Variants in DIS3L2 observed in about 807,000 individuals in gnomAD.
The protein encoded by DIS3L2 is DIS3-like exonuclease 2.
In DIS3L2, 34 loss-of-function variants were observed where a neutral mutation model predicts 97.5. The ratio of observed to expected loss-of-function variants is 0.35; its 90% CI spans 0.27 to 0.46. The LOEUF (loss-of-function observed/expected upper bound fraction) is 0.46, where lower values mean the gene tolerates loss of function less well. Ranked by LOEUF, DIS3L2 falls within the 20% of genes least tolerant of loss-of-function variation. The probability of loss-of-function intolerance (pLI) is 1.00; values close to 1 mark genes in which losing one functional copy is unlikely to be tolerated. For synonymous variants in DIS3L2, 435 were observed against 445.2 expected (o/e 0.98, Z 0.29); for missense variants, 1,038 against 1,146.0 (o/e 0.91, Z 1.36).
intron 6 of DIS3L2, among the ~76,000 whole-genome samples, chr2:232,121,806 A>G (rs1213333904): frequency 6.6e-6 from 1 of 152,144 alleles, no homozygotes; most frequent in Non-Finnish European, 1.5e-5. Context: ...TAAGGAAATC[A>G]GGCAGTCTTT....
intron 6 of DIS3L2, among the ~76,000 whole-genome samples, chr2:232,126,085 T>C (rs1356023742): frequency 2.0e-5 from 3 of 152,246 alleles, no homozygotes; most frequent in Admixed American, 2.0e-4. Context: ...ATTTGGGTTC[T>C]GATTGTGTCT....
chr2:232,274,314 T>C (rs1694084012), intron 13 of DIS3L2, among the ~76,000 whole-genome samples: 1 of 152,168 alleles, frequency 6.6e-6, no homozygotes, highest in African/African-American at 2.4e-5. Flanking sequence ...GCACTTGGAC[T>C]CTCCTCTTTC....
chr2:231,974,705 T>C (rs904034349), intron 1 of DIS3L2, among the ~76,000 whole-genome samples: 5 of 152,144 alleles, frequency 3.3e-5, no homozygotes, highest in Admixed American at 3.3e-4. Flanking sequence ...GATTTGGAGA[T>C]GTTAGAATCA....
chr2:231,965,407 C>T (rs1249628927), intron 1 of DIS3L2, among the ~76,000 whole-genome samples: 6 of 150,826 alleles, frequency 4.0e-5, no homozygotes, highest in Non-Finnish European at 8.8e-5. Context: ...TGCCTTGAGA[C>T]ATTGAAGGCC....
At chr2:232,266,189 G>C (rs1693854334) in intron 13 of DIS3L2, among the ~76,000 whole-genome samples, 1 of 152,226 alleles carries the variant, frequency 6.6e-6, no homozygotes, top group Admixed American at 6.5e-5. Flanking sequence ...ATAGGGTATA[G>C]TTGTCAAAAT....
intron 14 of DIS3L2, among the ~76,000 whole-genome samples, chr2:232,303,743 C>T (rs560716037): frequency 3.2e-4 from 48 of 152,246 alleles, no homozygotes; most frequent in East Asian, 3.1e-3. Context: ...GATTCAGTAT[C>T]AAAAGCAGGT....
chr2:231,988,633 A>C (rs1455317484), intron 1 of DIS3L2, among the ~76,000 whole-genome samples: 1 of 152,120 alleles, frequency 6.6e-6, no homozygotes, highest in East Asian at 1.9e-4. Context: ...CATGACGTGG[A>C]TCTTGTGTGT....
chr2:232,173,264 C>T (rs115576768), intron 9 of DIS3L2, among the ~76,000 whole-genome samples: 15 of 152,186 alleles, frequency 9.9e-5, no homozygotes, highest in East Asian at 5.8e-4. Flanking sequence ...TTTGAGATGG[C>T]GTCTCTGTTA....
intron 9 of DIS3L2, among the ~76,000 whole-genome samples, chr2:232,169,113 T>C (rs912607011): frequency 6.6e-6 from 1 of 152,186 alleles, no homozygotes; most frequent in Non-Finnish European, 1.5e-5. Context: ...TGTGATCATG[T>C]GATTTCTTCT....
intron 9 of DIS3L2, among the ~76,000 whole-genome samples, chr2:232,169,947 T>C (rs1452427283): frequency 1.3e-5 from 2 of 152,202 alleles, no homozygotes; most frequent in Non-Finnish European, 2.9e-5. Flanking sequence ...TTAGCAATTT[T>C]CAAGAAGTTA....
chr2:232,206,686 A>G (rs1692036300), intron 9 of DIS3L2, among the ~76,000 whole-genome samples: 1 of 152,198 alleles, frequency 6.6e-6, no homozygotes, highest in Admixed American at 6.5e-5. Context: ...CTTTCCAGCA[A>G]GCAAGCCTTC....
chr2:232,193,623 C>T (rs1425362700), intron 9 of DIS3L2, among the ~76,000 whole-genome samples: 1 of 152,196 alleles, frequency 6.6e-6, no homozygotes, highest in Non-Finnish European at 1.5e-5. Flanking sequence ...TTTATGTCCC[C>T]ATTTCATCTA....
At chr2:232,042,882 G>GTGAT (rs1375579541) in intron 5 of DIS3L2, among the ~76,000 whole-genome samples, 1 of 152,224 alleles carries the variant, frequency 6.6e-6, no homozygotes, top group East Asian at 1.9e-4. Context: ...ACTTAGGGCA[G>GTGAT]TGATGGCACA....
intron 3 of DIS3L2, among the ~76,000 whole-genome samples, chr2:232,022,208 T>G (rs1410796911): frequency 1.3e-5 from 2 of 152,202 alleles, no homozygotes; most frequent in Non-Finnish European, 2.9e-5. Flanking sequence ...TTCTGCTTTC[T>G]TAGTGTGATC....
chr2:232,042,628 T>C (rs998456783), intron 5 of DIS3L2, among the ~76,000 whole-genome samples: 4 of 152,204 alleles, frequency 2.6e-5, no homozygotes, highest in Admixed American at 1.3e-4. Flanking sequence ...TACTGCCAGC[T>C]CTGCATCAAA....
At chr2:232,087,837 C>T in intron 6 of DIS3L2, 116 bp downstream of exon 6, 1 of 813,244 alleles carries the variant, frequency 1.2e-6, no homozygotes, top group East Asian at 2.7e-5. Flanking sequence ...TAATTTTTGA[C>T]CTGTGGCAGC....
chr2:232,273,029 T>C (rs1349322335), intron 13 of DIS3L2, among the ~76,000 whole-genome samples: 1 of 152,024 alleles, frequency 6.6e-6, no homozygotes. Flanking sequence ...AGCCTACTCC[T>C]CCACCTTCAC....
chr2:232,132,941 G>C (rs1698260591), intron 7 of DIS3L2, among the ~76,000 whole-genome samples: 2 of 152,138 alleles, frequency 1.3e-5, no homozygotes, highest in South Asian at 4.1e-4. Context: ...ACAACATGCA[G>C]TCAAGTATGG....
At chr2:232,229,208 T>C (rs1692727179) in intron 10 of DIS3L2, among the ~76,000 whole-genome samples, 1 of 152,198 alleles carries the variant, frequency 6.6e-6, no homozygotes, top group African/African-American at 2.4e-5. Context: ...TGAAGAATTT[T>C]GAACATGCAC....
Sources: allele counts gnomAD v4.1 joint callset (sites outside exome capture counted in the v4.1 genomes callset), GRCh38; gene constraint gnomAD v4.1.1; transcripts MANE v1.5; gene names NCBI Gene and HGNC (gene_info 2026-07-23, HGNC 2026-07-21).